Variants in CACNA1B observed in about 807,000 individuals in gnomAD.
CACNA1B encodes the protein calcium voltage-gated channel subunit alpha1 B.
Under a neutral mutation model 247.2 loss-of-function variants are expected in CACNA1B, and 70 were observed. The observed-to-expected ratio is 0.28, with a 90% CI of 0.23 to 0.35. The LOEUF (loss-of-function observed/expected upper bound fraction) is 0.35. CACNA1B is among the 10% of genes least tolerant of loss of function. CACNA1B has a pLI of 1.00. For synonymous variants in CACNA1B, 1,231 were observed against 1,294.4 expected, an observed-to-expected ratio of 0.95 and a Z score of 1.05; for missense variants, 2,367 against 3,197.4, an observed-to-expected ratio of 0.74 and a Z score of 6.26.
intron 6 of CACNA1B, among the ~76,000 whole-genome samples, chr9:137,943,104 C>T (rs1376759369): frequency 3.3e-5 from 5 of 150,004 alleles, no homozygotes; most frequent in African/African-American, 1.2e-4. Flanking sequence ...TGAAATGGTC[C>T]CAGGTTAACT....
In CACNA1B at chr9:137,880,004, G is replaced by A. The variant is rs1481180438; in HGVS notation, c.390+845G>A. On this transcript the variant is annotated intron_variant, in intron 2 of 46. Transcript: ENST00000371372. This position sits in a 1 kb window ranked among gnomAD's most constrained non-coding sequence, Gnocchi z 4.8. ...GAGCAAGTGGGGGCCCAGGGGGTGC[G>A]GGGCCAGAGGCGTCCAGGAGACGGC... 6.6e-6 allele frequency among the ~76,000 whole-genome samples: 1 copy of A among 152,204 alleles called. No homozygotes were observed. Among genetic ancestry groups the A allele is most frequent in the Non-Finnish European group, 1.5e-5 (1 of 68,040 alleles).
Position 138,100,655 on chromosome 9 carries a change from A to C in CACNA1B, c.5223-2056A>C, listed in dbSNP as rs1002735980. On this transcript the variant is annotated intron_variant, in intron 37 of 46. Transcript: ENST00000371372. This position sits in a 1 kb window ranked among gnomAD's most constrained non-coding sequence, Gnocchi z 4.6. ...GGTCCTTAGCTGGACCAGGGCTTCC[A>C]GGGGAGGACACAGAGTGTTCAGGGA... 1.3e-5 allele frequency among the ~76,000 whole-genome samples: 2 copies of C among 152,152 alleles called. No homozygotes were observed. The highest frequency in any genetic ancestry group is 4.8e-5 in the African/African-American group (2 of 41,426).
Position 138,023,737 on chromosome 9 carries a change from G to A in CACNA1B, c.2994G>A (p.Glu998=), listed in dbSNP as rs953896187. 8 of 1,536,868 alleles carry A rather than the reference G, an allele frequency of 5.2e-6. No individual in the cohort carries two copies. Among genetic ancestry groups the A allele is most frequent in the Non-Finnish European group, 7.0e-6 (8 of 1,139,152 alleles). The change falls in exon 19 of 47, where the codon GAG becomes GAA. Residue 998 remains glutamate (E), a synonymous_variant. Transcript: ENST00000371372. The stretch of plus-strand genomic sequence containing the variant: ...AGGCTGTGGAGAAGGAGACCACGGA[G>A]AAGGAGGCCACGGAGAAGGAGGCTG... ...AHEAVEKETT[E]KEATEKEAEI...
At chr9:137,946,024 A>G (rs1201657996) in intron 6 of CACNA1B, among the ~76,000 whole-genome samples, 1 of 151,808 alleles carries the variant, frequency 6.6e-6, no homozygotes, top group Non-Finnish European at 1.5e-5. Context: ...GTTTCACCAT[A>G]TTGGCCAGGC....
intron 6 of CACNA1B, among the ~76,000 whole-genome samples, chr9:137,921,002 G>T (rs1046414515): frequency 6.6e-6 from 1 of 151,412 alleles, no homozygotes; most frequent in Non-Finnish European, 1.5e-5. Flanking sequence ...GGAGATCTTG[G>T]GTGTGTAGGT....
intron 20 of CACNA1B, among the ~76,000 whole-genome samples, chr9:138,027,398 T>C (rs1277144816): frequency 6.6e-6 from 1 of 152,220 alleles, no homozygotes; most frequent in Non-Finnish European, 1.5e-5. Context: ...ATTCCCCCTT[T>C]TTTTCCGAGA....
intron 36 of CACNA1B, among the ~76,000 whole-genome samples, chr9:138,095,444 A>T (rs1175786783): frequency 6.6e-6 from 1 of 152,248 alleles, no homozygotes; most frequent in African/African-American, 2.4e-5. Context: ...TATAACAATA[A>T]TTTTTCTAAA....
chr9:137,919,154 C>T lies in CACNA1B; in HGVS notation c.966+1723C>T, dbSNP rs1471947889. Among the ~76,000 whole-genome samples, 1 of 152,256 alleles carries T rather than the reference C, an allele frequency of 6.6e-6. No homozygotes were observed. Among genetic ancestry groups the T allele is most frequent in the Non-Finnish European group, 1.5e-5 (1 of 68,034 alleles). ...CGCAGGAGGGGATGGGCAGGAGCCC[C>T]ATCCTGGGGCAGGCAGCACTGGCCA... On this transcript the variant is annotated intron_variant, in intron 6 of 46. Coordinates refer to ENST00000371372, the MANE Select transcript of CACNA1B (RefSeq NM_000718.4). The surrounding 1 kb of genome is among the most constrained non-coding windows in gnomAD (Gnocchi z 4.6).
At chr9:137,878,765 A>C (rs894391524) in intron 1 of CACNA1B, among the ~76,000 whole-genome samples, 1 of 151,706 alleles carries the variant, frequency 6.6e-6, no homozygotes, top group Admixed American at 6.6e-5. Flanking sequence ...GGGGCCCTGG[A>C]GTCGGGCGGA....
intron 15 of CACNA1B, among the ~76,000 whole-genome samples, chr9:138,000,184 C>T (rs573753746): frequency 3.9e-4 from 59 of 151,500 alleles, no homozygotes; most frequent in South Asian, 8.4e-4. Flanking sequence ...CTGCAAGCTC[C>T]GCCTCCCGGG....
intron 3 of CACNA1B, among the ~76,000 whole-genome samples, chr9:137,883,213 C>A (rs1460737317): frequency 6.6e-6 from 1 of 151,636 alleles, no homozygotes; most frequent in Non-Finnish European, 1.5e-5. Flanking sequence ...GGTGGCTTTG[C>A]TGCCCAGGTG....
rs1957918619 is a variant in CACNA1B at position 137,954,329 on chromosome 9, C to T, written c.1071-1369C>T. Among the ~76,000 whole-genome samples the T allele has an allele frequency of 6.6e-6, 1 of 152,220 alleles. No individual in the cohort carries two copies. Among genetic ancestry groups the T allele is most frequent in the African/African-American group, 2.4e-5 (1 of 41,462 alleles). Reference sequence around the variant, plus strand: ...AGGAGGGGCCAGCTTGGGGCCAATTCGGCATCTCTCTCTCCATTCCCAGAG... The same window carrying T: ...AGGAGGGGCCAGCTTGGGGCCAATTTGGCATCTCTCTCTCCATTCCCAGAG... On this transcript the variant is annotated intron_variant, in intron 7 of 46. Coordinates refer to ENST00000371372, the MANE Select transcript of CACNA1B (RefSeq NM_000718.4). The surrounding 1 kb of genome is among the most constrained non-coding windows in gnomAD (Gnocchi z 4.1).
At chr9:137,878,787 G>T (rs1239122217) in intron 1 of CACNA1B, among the ~76,000 whole-genome samples, 2 of 152,162 alleles carry the variant, frequency 1.3e-5, no homozygotes, top group Non-Finnish European at 2.9e-5. Flanking sequence ...CCGGGCCGGA[G>T]GCGCTGTCCG....
chr9:137,901,929 G>C (rs1957245184), intron 3 of CACNA1B, among the ~76,000 whole-genome samples: 1 of 152,044 alleles, frequency 6.6e-6, no homozygotes, highest in African/African-American at 2.4e-5. Context: ...GACCTCAAGT[G>C]ATCCACCCGC....
At chr9:138,075,789 G>A in intron 34 of CACNA1B, 30 bp from the exon 35 acceptor site, 2 of 1,468,886 alleles carry the variant, frequency 1.4e-6, no homozygotes, top group Non-Finnish European at 1.9e-6. Context: ...GACCCAGCAG[G>A]GTCCGTGCCA....
intron 6 of CACNA1B, among the ~76,000 whole-genome samples, chr9:137,935,680 T>C (rs1957657661): frequency 6.6e-6 from 1 of 152,260 alleles, no homozygotes; most frequent in South Asian, 2.1e-4. Flanking sequence ...AATTGCCCAC[T>C]GTCTTCCACA....
At chr9:138,063,677 C>G (rs569475381) in intron 31 of CACNA1B, among the ~76,000 whole-genome samples, 27 of 152,320 alleles carry the variant, frequency 1.8e-4, no homozygotes, top group Non-Finnish European at 3.7e-4. Context: ...CTGAGTAGAT[C>G]TGTTCTATTA....
At chr9:137,996,800 C>T (rs1401096639) in intron 15 of CACNA1B, among the ~76,000 whole-genome samples, 1 of 152,058 alleles carries the variant, frequency 6.6e-6, no homozygotes, top group East Asian at 1.9e-4. Flanking sequence ...GGATAGCTCG[C>T]CACTCATTGT....
chr9:138,120,927 G>C (rs551128578), intron 46 of CACNA1B, 46 bp downstream of exon 46: 6 of 1,525,862 alleles, frequency 3.9e-6, no homozygotes, highest in Non-Finnish European at 3.5e-6. Flanking sequence ...GCCTCTCCTC[G>C]GCCCAGCACC....
Sources: gnomAD v4.1 joint callset for allele counts (sites outside exome capture counted in the v4.1 genomes callset) on GRCh38, gnomAD v4.1.1 for gene constraint, Gnocchi (gnomAD v3.1) non-coding constraint, MANE v1.5 for transcripts, NCBI Gene and HGNC (gene_info 2026-07-23, HGNC 2026-07-21) for gene names.